PZP: variants seen among roughly 807,000 people sequenced by gnomAD.
PZP encodes pregnancy zone protein.
In PZP, 150 loss-of-function variants were observed where a neutral mutation model predicts 179.8. The ratio of observed to expected loss-of-function variants is 0.83; its 90% CI spans 0.73 to 0.96. PZP has a LOEUF of 0.96. PZP is among the 40% of genes least tolerant of loss of function. PZP has a pLI of 0.00. For missense variants in PZP, 1,689 were observed against 1,764.0 expected (o/e 0.96, Z 0.76); for synonymous variants, 624 against 652.3 (o/e 0.96, Z 0.66).
At chr12:9,189,932 C>A (rs1943358114) in intron 13 of PZP, among the ~76,000 whole-genome samples, 1 of 152,084 alleles carries the variant, frequency 6.6e-6, no homozygotes, top group African/African-American at 2.4e-5. Context: ...CAACTCAAAA[C>A]CACAATGAGA....
Position 9,194,149 on chromosome 12 carries a change from G to A in PZP, c.1182C>T (p.Thr394=), listed in dbSNP as rs750878854. ...VNDANYYSNA[T]TNEQGLAQFS... is the part of the protein sequence containing the mutation. Reference sequence around the variant, plus strand: ...ACTGTGCAAGACCCTGCTCATTGGTGGTTGCATTGGAGTAATAATTGGCGT... The same window carrying A: ...ACTGTGCAAGACCCTGCTCATTGGTAGTTGCATTGGAGTAATAATTGGCGT... The change falls in exon 11 of 36, where the codon ACC becomes ACT. Residue 394 remains threonine, a synonymous_variant. Coordinates refer to ENST00000261336, the MANE Select transcript of PZP (RefSeq NM_002864.3). 5 of 1,613,934 alleles carry A rather than the reference G, an allele frequency of 3.1e-6. No homozygotes were observed. In the Admixed American group the frequency reaches 8.3e-5, roughly 27 times the overall value.
intron 1 of PZP, among the ~76,000 whole-genome samples, chr12:9,207,100 ACTC>A (rs1482095472): frequency 6.6e-6 from 1 of 151,718 alleles, no homozygotes; most frequent in Non-Finnish European, 1.5e-5. Context: ...ACTGGATTGA[ACTC>A]CTTATTTCTG....
intron 15 of PZP, among the ~76,000 whole-genome samples, chr12:9,173,491 G>T (rs1565641887): frequency 6.6e-6 from 1 of 152,180 alleles, no homozygotes; most frequent in African/African-American, 2.4e-5. Flanking sequence ...AGCTGAAGGA[G>T]ATAGAGACAT....
chr12:9,153,346 G>A lies in PZP; in HGVS notation c.3775-3C>T. Reference sequence around the variant, plus strand: ...GCATGGAGAGCCACCACTGTGTCCTGGAAGAGACGAGTGGACAACCGCCCC... The same window carrying A: ...GCATGGAGAGCCACCACTGTGTCCTAGAAGAGACGAGTGGACAACCGCCCC... On this transcript the variant is annotated splice_region_variant and splice_polypyrimidine_tract_variant and intron_variant, in intron 29 of 35. Transcript: ENST00000261336. The A allele has an allele frequency of 6.2e-7, 1 of 1,610,658 alleles. No homozygotes were observed.
chr12:9,156,354 A>G, intron 28 of PZP: 1 of 195,164 alleles, frequency 5.1e-6, no homozygotes, highest in Non-Finnish European at 1.1e-5. Flanking sequence ...ACCTCCAGGC[A>G]CAGTCCTTCC....
chr12:9,158,564 A>C lies in PZP; in HGVS notation c.3150T>G (p.Phe1050Leu). ...RNQGNTWLTAFVLKTFAQARS... is the reference protein window; with the variant it reads ...RNQGNTWLTALVLKTFAQARS... ...GAGCCTGGGCGAAAGTCTTCAGTAC[A>C]AAAGCTGTGAGCCTAGGGGGAGGAA... Residue 1050 changes from phenylalanine to leucine, a missense_variant, in exon 26 of 36, where the codon TTT (phenylalanine) becomes TTG (leucine). By Grantham distance (22) the Phe-to-Leu change is conservative (BLOSUM62 0). Transcript: ENST00000261336. 1 of 1,614,112 alleles carries C rather than the reference A, an allele frequency of 6.2e-7. No homozygotes were observed. Among genetic ancestry groups the C allele is most frequent in the Non-Finnish European group, 8.5e-7 (1 of 1,179,988 alleles).
At chr12:9,171,264 T>A (rs999318371) in intron 15 of PZP, among the ~76,000 whole-genome samples, 2 of 152,032 alleles carry the variant, frequency 1.3e-5, no homozygotes, top group African/African-American at 4.8e-5. Context: ...AGCCCTATGA[T>A]AGAGTGGCTT....
In PZP at chr12:9,149,860, A is replaced by G. The variant is rs758248015; in HGVS notation, c.4385-258T>C. Among the ~76,000 whole-genome samples, 244 of 152,304 alleles carry G rather than the reference A, an allele frequency of 1.6e-3. 1 individual carries two copies. Among genetic ancestry groups the G allele is most frequent in the African/African-American group, 5.7e-3 (235 of 41,564 alleles). ...TTCTTGGGAAGATGATCATAATTGC[A>G]CTAACCTGTAGTTCTCTCTTCCATG... is the stretch of plus-strand genomic sequence containing the variant. On this transcript the variant is annotated intron_variant, in intron 34 of 35. Coordinates refer to ENST00000261336, the MANE Select transcript of PZP (RefSeq NM_002864.3).
At chr12:9,183,122 A>G (rs888389012) in intron 13 of PZP, among the ~76,000 whole-genome samples, 11 of 152,242 alleles carry the variant, frequency 7.2e-5, no homozygotes, top group Non-Finnish European at 1.0e-4. Context: ...TTTCTTAACC[A>G]TATGTATTAA....
chr12:9,157,619 T>C, intron 27 of PZP, 148 bp downstream of exon 27: 1 of 762,984 alleles, frequency 1.3e-6, no homozygotes, highest in Non-Finnish European at 2.1e-6. Flanking sequence ...AAATCTCTCT[T>C]AATGCATCAA....
In PZP at chr12:9,149,542, A is replaced by T. The variant is rs778661773; in HGVS notation, c.4426+19T>A. 6.2e-7 allele frequency: 1 copy of T among 1,608,564 alleles called. No homozygotes were observed. The highest frequency in any genetic ancestry group is 1.1e-5 in the South Asian group (1 of 90,740). ...GGGTTAATGCCATCTAGTACTGGTC[A>T]TAAGTGGTGAACTCTTACCTGTGCT... On this transcript the variant is annotated intron_variant, in intron 35 of 35. Coordinates refer to ENST00000261336, the MANE Select transcript of PZP (RefSeq NM_002864.3).
rs145616360 is a variant in PZP at position 9,170,431 on chromosome 12, G to C, written c.1840-840C>G. On this transcript the variant is annotated intron_variant, in intron 15 of 35. Transcript: ENST00000261336. This position sits in a 1 kb window ranked among gnomAD's most constrained non-coding sequence, Gnocchi z 4.6. ...GGCCCTGGGATCCCTGGAAAGGCAG[G>C]AAATCTGTTTGTATATATCCCTAGG... 2.8e-4 allele frequency among the ~76,000 whole-genome samples: 43 copies of C among 152,294 alleles called. No individual in the cohort carries two copies. The East Asian group carries it at 7.5e-3, about 27-fold the overall frequency.
the PZP span, among the ~76,000 whole-genome samples, chr12:9,142,894 C>T: frequency 6.6e-6 from 1 of 152,116 alleles, no homozygotes; most frequent in East Asian, 1.9e-4. Context: ...TTCTGTTTTC[C>T]CAAGGAATCC....
At chr12:9,171,625 G>A (rs1005803464) in intron 15 of PZP, among the ~76,000 whole-genome samples, 6 of 152,160 alleles carry the variant, frequency 3.9e-5, no homozygotes, top group Non-Finnish European at 7.4e-5. Flanking sequence ...AGCCAGAATA[G>A]CCAGTTTAGA....
chr12:9,203,485 G>A (rs1472545287), intron 2 of PZP, among the ~76,000 whole-genome samples: 10 of 151,918 alleles, frequency 6.6e-5, no homozygotes, highest in Admixed American at 4.6e-4. Context: ...GGGACTACGG[G>A]CGCCTGCCAC....
Position 9,196,697 on chromosome 12 carries a change from A to G in PZP, c.868-12T>C. ...CCATTGCTGTTAAGCTGAGAAAAAT[A>G]CCAAAACCAATAAATGTCAAACTGA... On this transcript the variant is annotated splice_polypyrimidine_tract_variant and intron_variant, in intron 8 of 35. Transcript: ENST00000261336. The G allele has an allele frequency of 1.3e-6, 2 of 1,549,484 alleles. No individual in the cohort carries two copies. The highest frequency in any genetic ancestry group is 1.8e-6 in the Non-Finnish European group (2 of 1,121,428).
intron 35 of PZP, among the ~76,000 whole-genome samples, 190 bp downstream of exon 35, chr12:9,149,371 A>T (rs1381951385): frequency 6.6e-6 from 1 of 152,178 alleles, no homozygotes; most frequent in Non-Finnish European, 1.5e-5. Context: ...CTTTTCTGGG[A>T]GTGAATATCT....
intron 3 of PZP, 23 bp from the exon 4 acceptor site, chr12:9,202,394 A>C: frequency 6.2e-7 from 1 of 1,614,110 alleles, no homozygotes; most frequent in Non-Finnish European, 8.5e-7. Flanking sequence ...TTCTCCGATA[A>C]GATTCAGACA....
Position 9,160,325 on chromosome 12 carries a change from T to G in PZP, c.3038A>C (p.Tyr1013Ser), listed in dbSNP as rs778324333. The change falls in exon 24 of 36, where the codon TAT becomes TCT. Residue 1013 changes from tyrosine to serine, a missense_variant. This residue lies in a region of PZP where 746 missense variants were observed against 749.2 expected (regional missense o/e 1.00). Transcript: ENST00000261336. The part of the protein sequence containing the change: ...TQEIKAKAVG[Y>S]LITGYQRQLN... ...TCTGTCTCACTTACCAGTGATGAGATAGCCAACGGCCTTGGCCTTGATCTC... is the reference window on the plus strand; with the variant it reads ...TCTGTCTCACTTACCAGTGATGAGAGAGCCAACGGCCTTGGCCTTGATCTC... 1 of 1,610,440 alleles carries G rather than the reference T, an allele frequency of 6.2e-7. No homozygotes were observed. The highest frequency in any genetic ancestry group is 1.3e-5 in the African/African-American group (1 of 74,752).
Sources: gnomAD v4.1 joint callset for allele counts (sites outside exome capture counted in the v4.1 genomes callset) on GRCh38, gnomAD v4.1.1 for gene constraint, gnomAD v4.1.1 regional missense constraint, Gnocchi (gnomAD v3.1) non-coding constraint, MANE v1.5 for transcripts, NCBI Gene and HGNC (gene_info 2026-07-23, HGNC 2026-07-21) for gene names.